ACTR3C: variants seen among roughly 807,000 people sequenced by gnomAD.
ACTR3C encodes actin-related protein 3C.
ACTR3C carries 18 observed loss-of-function variants against 26.3 expected under a neutral mutation model. The ratio of observed to expected loss-of-function variants is 0.68; its 90% CI spans 0.47 to 1.01. The LOEUF is 1.01. Among genes scored for constraint, ACTR3C ranks in the 50% least tolerant of loss-of-function variants. The probability of loss-of-function intolerance (pLI) is 0.00; values close to 1 mark genes in which losing one functional copy is unlikely to be tolerated. For synonymous variants in ACTR3C, 55 were observed against 94.5 expected (o/e 0.58, Z 2.42); for missense variants, 184 against 250.7 (o/e 0.73, Z 1.80).
chr7:150,070,064 A>G, the ACTR3C span, among the ~76,000 whole-genome samples: 4 of 152,204 alleles, frequency 2.6e-5, no homozygotes, highest in African/African-American at 9.6e-5. Context: ...AAGGCAAGCA[A>G]AGATGCGCTC....
chr7:150,101,593 C>A, the ACTR3C span, among the ~76,000 whole-genome samples: 1 of 151,840 alleles, frequency 6.6e-6, no homozygotes, highest in South Asian at 2.1e-4. Context: ...GGGCTGCCCA[C>A]GTGGAACCCT....
At chr7:150,321,082 G>A (rs1228183091) in intron 1 of ACTR3C, among the ~76,000 whole-genome samples, 2 of 152,148 alleles carry the variant, frequency 1.3e-5, no homozygotes, top group African/African-American at 4.8e-5. Flanking sequence ...TGCTGAGTCA[G>A]TTCAGCAAAA....
the ACTR3C span, among the ~76,000 whole-genome samples, chr7:149,953,703 C>T: frequency 6.6e-6 from 1 of 152,000 alleles, no homozygotes; most frequent in Non-Finnish European, 1.5e-5. Context: ...TTTCCTCTCT[C>T]TCCTTTCAGG....
chr7:150,252,827 C>T (rs1429227365), intron 6 of ACTR3C, among the ~76,000 whole-genome samples: 8 of 152,012 alleles, frequency 5.3e-5, no homozygotes, highest in East Asian at 1.9e-4. Flanking sequence ...TTTTCAATGG[C>T]GTTAAGGTAA....
the ACTR3C span, among the ~76,000 whole-genome samples, chr7:150,150,403 A>G: frequency 6.6e-6 from 1 of 152,092 alleles, no homozygotes; most frequent in African/African-American, 2.4e-5. Flanking sequence ...ACAGGGAGAG[A>G]GGCTTGGTAA....
chr7:150,209,499 C>T, the ACTR3C span, among the ~76,000 whole-genome samples: 4 of 150,412 alleles, frequency 2.7e-5, no homozygotes, highest in East Asian at 7.7e-4. Context: ...ATTTATGATC[C>T]ATTTCGAGTT....
chr7:149,918,088 T>C, the ACTR3C span, among the ~76,000 whole-genome samples: 1 of 152,134 alleles, frequency 6.6e-6, no homozygotes, highest in South Asian at 2.1e-4. Context: ...GAATTCAATA[T>C]ATAAAGTTCA....
chr7:150,184,253 A>AC, the ACTR3C span, among the ~76,000 whole-genome samples: 1 of 150,756 alleles, frequency 6.6e-6, no homozygotes, highest in Non-Finnish European at 1.5e-5. Context: ...GTAAAGATAA[A>AC]CCATCCCTTA....
At chr7:149,934,513 T>C in the ACTR3C span, among the ~76,000 whole-genome samples, 2 of 152,344 alleles carry the variant, frequency 1.3e-5, no homozygotes, top group East Asian at 1.9e-4. Flanking sequence ...CTTAAGTGTA[T>C]AGAAAAATGA....
the ACTR3C span, among the ~76,000 whole-genome samples, chr7:150,196,009 G>T: frequency 2.0e-5 from 3 of 152,128 alleles, no homozygotes; most frequent in African/African-American, 7.2e-5. Flanking sequence ...GTGCCTTTGG[G>T]ACCTTCTCCT....
chr7:150,319,748 C>G (rs1038599788), intron 1 of ACTR3C, among the ~76,000 whole-genome samples: 4 of 152,190 alleles, frequency 2.6e-5, no homozygotes, highest in African/African-American at 7.2e-5. Flanking sequence ...ACCAACCTCT[C>G]CCCTGACCCG....
chr7:150,110,282 T>C, the ACTR3C span, among the ~76,000 whole-genome samples: 6,483 of 128,652 alleles, frequency 0.05, 5 homozygotes, highest in Middle Eastern at 0.097. Flanking sequence ...AGTTGTCTTT[T>C]TGAGCATTTA....
intron 6 of ACTR3C, among the ~76,000 whole-genome samples, chr7:150,282,882 G>T (rs188363762): frequency 6.7e-6 from 1 of 148,410 alleles, no homozygotes; most frequent in Non-Finnish European, 1.5e-5. Flanking sequence ...TCTTCCCTCC[G>T]CATTTTACAT....
the ACTR3C span, among the ~76,000 whole-genome samples, chr7:150,232,264 C>T: frequency 0.06 from 9,075 of 152,140 alleles, 492 homozygotes; most frequent in African/African-American, 0.14. Context: ...TCTATATTTC[C>T]AATGAGTTTC....
At chr7:149,967,065 C>T in the ACTR3C span, among the ~76,000 whole-genome samples, 6 of 97,040 alleles carry the variant, frequency 6.2e-5, no homozygotes, top group Admixed American at 1.6e-4. Context: ...GACAGAATCT[C>T]GCTCTGTCAC....
chr7:150,306,589 G>A (rs914858234), intron 1 of ACTR3C, among the ~76,000 whole-genome samples: 61 of 152,332 alleles, frequency 4.0e-4, no homozygotes, highest in African/African-American at 1.4e-3. Context: ...GCTCATGCCT[G>A]TAATCCCAAC....
At chr7:150,137,454 G>T in the ACTR3C span, among the ~76,000 whole-genome samples, 1 of 152,140 alleles carries the variant, frequency 6.6e-6, no homozygotes, top group Non-Finnish European at 1.5e-5. Flanking sequence ...TATGAGCGTG[G>T]CCACTCAACT....
At chr7:150,175,816 A>C in the ACTR3C span, among the ~76,000 whole-genome samples, 10 of 108,442 alleles carry the variant, frequency 9.2e-5, no homozygotes, top group Non-Finnish European at 1.5e-4. Flanking sequence ...CCATCTGAAC[A>C]AAAAAAAAAA....
At chr7:150,012,197 A>T in the ACTR3C span, among the ~76,000 whole-genome samples, 1 of 152,220 alleles carries the variant, frequency 6.6e-6, no homozygotes, top group South Asian at 2.1e-4. Context: ...GTCTTTAAAG[A>T]AGCTCTTTTT....
Sources: allele counts gnomAD v4.1 joint callset (sites outside exome capture counted in the v4.1 genomes callset), GRCh38; gene constraint gnomAD v4.1.1; transcripts MANE v1.5; gene names NCBI Gene and HGNC (gene_info 2026-07-23, HGNC 2026-07-21).